Variants in ATP9A observed in about 807,000 individuals in gnomAD.
ATP9A encodes the protein ATPase phospholipid transporting 9A, also known as probable phospholipid-transporting ATPase IIA.
In ATP9A, 52 loss-of-function variants were observed where a neutral mutation model predicts 144.1. The observed-to-expected ratio is 0.36, with a 90% CI of 0.29 to 0.45. The LOEUF (loss-of-function observed/expected upper bound fraction) is 0.45. ATP9A is among the 20% of genes least tolerant of loss of function. The pLI, the probability that ATP9A is intolerant of heterozygous loss-of-function variation, is 1.00. For missense variants in ATP9A, 947 were observed against 1,392.7 expected (o/e 0.68, Z 5.09); for synonymous variants, 582 against 557.4 (o/e 1.04, Z -0.62).
intron 1 of ATP9A, among the ~76,000 whole-genome samples, chr20:51,766,243 T>C (rs960142304): frequency 2.0e-5 from 3 of 152,156 alleles, no homozygotes; most frequent in African/African-American, 7.2e-5. Flanking sequence ...CCACCCTAAA[T>C]TCTTATTTCA....
intron 4 of ATP9A, among the ~76,000 whole-genome samples, chr20:51,703,563 T>C (rs956222601): frequency 1.3e-5 from 2 of 152,220 alleles, no homozygotes; most frequent in African/African-American, 4.8e-5. Context: ...GAGCTGTTTA[T>C]TTCTGTAGCG....
At chr20:51,622,874 T>A (rs947510588) in intron 18 of ATP9A, among the ~76,000 whole-genome samples, 3 of 152,160 alleles carry the variant, frequency 2.0e-5, no homozygotes, top group African/African-American at 4.8e-5. Context: ...CTTGGGGCTA[T>A]CGGTCAAAGA....
At chr20:51,750,197 C>T (rs917284822) in intron 1 of ATP9A, among the ~76,000 whole-genome samples, 1 of 152,104 alleles carries the variant, frequency 6.6e-6, no homozygotes, top group Non-Finnish European at 1.5e-5. Context: ...AAGCTCACCC[C>T]GCTGCCCAAA....
intron 3 of ATP9A, among the ~76,000 whole-genome samples, chr20:51,722,913 T>C (rs551334484): frequency 9.9e-5 from 15 of 152,258 alleles, no homozygotes; most frequent in East Asian, 7.7e-4. Flanking sequence ...CAATTCACAA[T>C]TGCAAAATCG....
chr20:51,719,426 A>G (rs939793477), intron 3 of ATP9A, among the ~76,000 whole-genome samples: 30 of 152,046 alleles, frequency 2.0e-4, no homozygotes, highest in African/African-American at 7.0e-4. Flanking sequence ...TGTGTATCTT[A>G]TTTTTTTCCT....
chr20:51,738,384 T>G (rs1008281162), intron 1 of ATP9A, among the ~76,000 whole-genome samples: 1 of 152,102 alleles, frequency 6.6e-6, no homozygotes, highest in Non-Finnish European at 1.5e-5. Flanking sequence ...TTGGGGCAAG[T>G]AGGGCAGCAC....
chr20:51,683,758 G>A (rs901122702), intron 9 of ATP9A, among the ~76,000 whole-genome samples: 2 of 152,118 alleles, frequency 1.3e-5, no homozygotes, highest in Admixed American at 1.3e-4. Context: ...TTGTTCACAC[G>A]GGGCCAGAAA....
At chr20:51,633,724 TA>T in intron 15 of ATP9A, among the ~76,000 whole-genome samples, 1 of 150,724 alleles carries the variant, frequency 6.6e-6, no homozygotes, top group South Asian at 2.1e-4. Context: ...CCAGCCTAGG[TA>T]ACAGAGTGAG....
At chr20:51,748,706 A>G (rs1201639394) in intron 1 of ATP9A, among the ~76,000 whole-genome samples, 1 of 152,216 alleles carries the variant, frequency 6.6e-6, no homozygotes, top group Non-Finnish European at 1.5e-5. Flanking sequence ...CACTTCAGCC[A>G]TTCCCCTTCC....
chr20:51,671,139 A>G lies in ATP9A; in HGVS notation c.1156T>C (p.Ser386Pro). 1 of 1,614,018 alleles carries G rather than the reference A, an allele frequency of 6.2e-7. No homozygotes were observed. The highest frequency in any genetic ancestry group is 8.5e-7 in the Non-Finnish European group (1 of 1,179,926). The change falls in exon 12 of 28, where the codon TCG becomes CCG. Residue 386 changes from serine (S) to proline (P), a missense_variant. Around this residue, in one of 2 missense-constraint regions of ATP9A, gnomAD observed 770 missense variants for 1,047.9 expected, o/e 0.73. Coordinates refer to ENST00000338821, the MANE Select transcript of ATP9A (RefSeq NM_006045.3). ...STIPEQLGRI[S>P]YLLTDKTGTL... ...CCTGTCTTGTCTGTGAGTAAGTACGAAATCCTGCCCAGCTGCTCAGGAATC... is the reference window on the plus strand; with the variant it reads ...CCTGTCTTGTCTGTGAGTAAGTACGGAATCCTGCCCAGCTGCTCAGGAATC...
At chr20:51,697,155 G>A (rs1391721856) in intron 5 of ATP9A, among the ~76,000 whole-genome samples, 3 of 152,018 alleles carry the variant, frequency 2.0e-5, no homozygotes, top group Non-Finnish European at 4.4e-5. Context: ...TAAGCACATC[G>A]AACAGGAAAT....
chr20:51,622,198 C>T, intron 18 of ATP9A, 26 bp from the exon 19 acceptor site: 2 of 1,600,902 alleles, frequency 1.2e-6, no homozygotes, highest in Non-Finnish European at 1.7e-6. Context: ...GACAGAGGTC[C>T]TGTTTATTAG....
chr20:51,692,797 G>A (rs186553330), intron 7 of ATP9A, among the ~76,000 whole-genome samples: 3 of 152,200 alleles, frequency 2.0e-5, no homozygotes, highest in Non-Finnish European at 2.9e-5. Context: ...GCAAGATTCC[G>A]TCTCATAAAT....
intron 1 of ATP9A, among the ~76,000 whole-genome samples, chr20:51,741,044 TA>T (rs1227094851): frequency 4.6e-5 from 7 of 151,722 alleles, no homozygotes; most frequent in Non-Finnish European, 1.0e-4. Context: ...TTTAATTAAT[TA>T]AAAATAAATT....
chr20:51,676,317 T>A, intron 9 of ATP9A, 109 bp from the exon 10 acceptor site: 2 of 845,620 alleles, frequency 2.4e-6, no homozygotes, highest in Non-Finnish European at 3.6e-6. Context: ...TCTTTTTTTT[T>A]TTTGAGACAG....
Position 51,597,492 on chromosome 20 carries a change from C to T in ATP9A, c.*3719G>A, listed in dbSNP as rs2077124146. 1 of 151,980 alleles carries T rather than the reference C, an allele frequency of 6.6e-6. No homozygotes were observed. Among genetic ancestry groups the T allele is most frequent in the African/African-American group, 2.4e-5 (1 of 41,348 alleles). The allele number at this position is 151,980 out of a possible 1,614,324, so 9.4% of individuals were successfully genotyped here. A position where few individuals can be genotyped will look rare whatever the true frequency, so the allele number is the denominator to read the frequency against. ...TTAATGCAATGAAAACCAAATAATT[C>T]TTCAAAAAACTTTAGATGACATCAT... On this transcript the variant is annotated 3_prime_UTR_variant, in exon 28 of 28. Transcript: ENST00000338821.
chr20:51,612,031 T>C (rs2077186724), intron 23 of ATP9A, among the ~76,000 whole-genome samples: 1 of 152,254 alleles, frequency 6.6e-6, no homozygotes, highest in Admixed American at 6.5e-5. Context: ...AAATATCACC[T>C]GATGTTTACA....
intron 1 of ATP9A, among the ~76,000 whole-genome samples, chr20:51,750,860 C>T (rs1373371682): frequency 6.6e-6 from 1 of 152,104 alleles, no homozygotes; most frequent in South Asian, 2.1e-4. Context: ...AGGAACCCAG[C>T]AGAGACACAC....
intron 13 of ATP9A, among the ~76,000 whole-genome samples, chr20:51,661,526 C>G (rs2077410643): frequency 9.2e-6 from 1 of 108,762 alleles, no homozygotes; most frequent in Admixed American, 9.7e-5. Context: ...CCATGCCCAG[C>G]TTTTTTTTTT....
Sources: allele counts gnomAD v4.1 joint callset (sites outside exome capture counted in the v4.1 genomes callset), GRCh38; gene constraint gnomAD v4.1.1; regional missense constraint gnomAD v4.1.1; transcripts MANE v1.5; gene names NCBI Gene and HGNC (gene_info 2026-07-23, HGNC 2026-07-21).